THAP5: variants seen among roughly 807,000 people sequenced by gnomAD.
The protein encoded by THAP5 is THAP domain-containing protein 5.
A neutral mutation model predicts 34.0 loss-of-function variants in THAP5; 26 were observed. The observed-to-expected ratio is 0.77, with a 90% CI of 0.56 to 1.06. The LOEUF is 1.06. Ranked by LOEUF, THAP5 falls within the 50% of genes least tolerant of loss-of-function variation. The probability of loss-of-function intolerance (pLI) is 0.00; values close to 1 mark genes in which losing one functional copy is unlikely to be tolerated. For missense variants in THAP5, 394 were observed against 452.8 expected, an observed-to-expected ratio of 0.87 and a Z score of 1.18; for synonymous variants, 125 against 153.0, an observed-to-expected ratio of 0.82 and a Z score of 1.35.
chr7:108,555,187 C>G (rs1864377685), intron 1 of THAP5, among the ~76,000 whole-genome samples: 1 of 149,302 alleles, frequency 6.7e-6, no homozygotes, highest in African/African-American at 2.5e-5. Flanking sequence ...TTTTTTGAGA[C>G]AGAGTTTTGC....
At chr7:108,546,171 A>G in the THAP5 span, among the ~76,000 whole-genome samples, 1 of 152,180 alleles carries the variant, frequency 6.6e-6, no homozygotes, top group African/African-American at 2.4e-5. Flanking sequence ...TTTATCAACC[A>G]TCTGTCAATC....
chr7:108,569,192 G>C (rs533379908), intron 1 of THAP5: 1 of 1,295,588 alleles, frequency 7.7e-7, no homozygotes, highest in East Asian at 3.2e-5. Flanking sequence ...AATGAAATGA[G>C]ATCACGTGAA....
In THAP5 at chr7:108,555,801, C is replaced by G. The variant is rs933425940; in HGVS notation, n.109-942G>C. 6.0e-5 allele frequency among the ~76,000 whole-genome samples: 9 copies of G among 150,468 alleles called. No individual in the cohort carries two copies. In the East Asian group the frequency reaches 1.6e-3, roughly 27 times the overall value. ...CACTGCAACCTCCACCTCCCAGGTT[C>G]AAGCAATTCTTCTGCCTCAGGCTCC... is the stretch of plus-strand genomic sequence containing the variant. On this transcript the variant is annotated intron_variant and non_coding_transcript_variant, in intron 1 of 1. Transcript: ENST00000468884.
Position 108,562,253 on chromosome 7 carries a change from TTG to T in THAP5, c.*1936_*1937del, listed in dbSNP as rs1223083252. ...TGAAACTTAACATATCATTACTTTA[TTG>T]TGACTCAAGATTATTTTCATCTGTA... On this transcript the variant is annotated 3_prime_UTR_variant, in exon 3 of 3. Transcript: ENST00000415914. 6.6e-6 allele frequency: 1 copy of T among 150,948 alleles called. No individual in the cohort carries two copies. The highest frequency in any genetic ancestry group is 1.5e-5 in the Non-Finnish European group (1 of 67,662). The allele number at this position is 150,948 out of a possible 1,614,324, so 9.4% of individuals were successfully genotyped here.
Position 108,569,473 on chromosome 7 carries a change from C to T in THAP5, c.80+17G>A, listed in dbSNP as rs1790563468. Reference sequence around the variant, plus strand: ...CCTCACGGCGAGGCTGACGCTTCTGCTCCAGAAACAACTTACGGATAAAAA... The same window carrying T: ...CCTCACGGCGAGGCTGACGCTTCTGTTCCAGAAACAACTTACGGATAAAAA... On this transcript the variant is annotated intron_variant, in intron 1 of 2. Coordinates refer to ENST00000415914, the MANE Select transcript of THAP5 (RefSeq NM_001130475.3). 6.4e-7 allele frequency: 1 copy of T among 1,551,628 alleles called. No individual in the cohort carries two copies. Among genetic ancestry groups the T allele is most frequent in the South Asian group, 1.2e-5 (1 of 84,064 alleles).
At chr7:108,556,733 A>G (rs1030489920) in intron 1 of THAP5, among the ~76,000 whole-genome samples, 1 of 152,148 alleles carries the variant, frequency 6.6e-6, no homozygotes, top group African/African-American at 2.4e-5. Context: ...CTGTCAGTGT[A>G]TCTACCATTC....
At chr7:108,558,544 C>T (rs533070708), downstream of THAP5, among the ~76,000 whole-genome samples, 28 of 150,882 alleles carry the variant, frequency 1.9e-4, no homozygotes, top group East Asian at 4.3e-3. Context: ...ATTACAGGCA[C>T]GCGCCACCAC....
rs757395217 is a variant in THAP5 at position 108,564,471 on chromosome 7, A to G, written c.908T>C (p.Ile303Thr). ...KETTEMEDTD[I>T]EDSLYKDVDY... ...TACATCCTTATACAAGGAGTCTTCAATGTCTGTGTCTTCCATTTCCGTGGT... is the reference window on the plus strand; with the variant it reads ...TACATCCTTATACAAGGAGTCTTCAGTGTCTGTGTCTTCCATTTCCGTGGT... Residue 303 changes from isoleucine to threonine, a missense_variant, in exon 3 of 3, where the codon ATT becomes ACT. Transcript: ENST00000415914. 5.0e-6 allele frequency: 8 copies of G among 1,613,954 alleles called. No homozygotes were observed. Among genetic ancestry groups the G allele is most frequent in the South Asian group, 1.1e-5 (1 of 91,080 alleles).
chr7:108,554,058 G>A (rs1564007602), downstream of THAP5, among the ~76,000 whole-genome samples: 1 of 152,062 alleles, frequency 6.6e-6, no homozygotes, highest in Non-Finnish European at 1.5e-5. Context: ...GGTGAGTTTG[G>A]CCCCCTAACT....
chr7:108,564,368 T>C lies in THAP5; in HGVS notation c.1011A>G (p.Lys337=), dbSNP rs980004020. The change falls in exon 3 of 3, where the codon AAA becomes AAG. Residue 337 remains lysine (K), a synonymous_variant. Coordinates refer to ENST00000415914, the MANE Select transcript of THAP5 (RefSeq NM_001130475.3). ...TTATCTTTGAATGTAGCTTAGAGAC[T>C]TTCTGCCAAAGATGTTCCTTATTTA... ...QDINKEHLWQ[K]VSKLHSKITL... The C allele has an allele frequency of 5.0e-6, 8 of 1,613,768 alleles. No homozygotes were observed. The highest frequency in any genetic ancestry group is 5.1e-6 in the Non-Finnish European group (6 of 1,179,850).
intron 1 of THAP5, 69 bp from the exon 2 acceptor site, chr7:108,566,091 C>G: frequency 7.4e-7 from 1 of 1,344,488 alleles, no homozygotes; most frequent in Admixed American, 2.8e-5. Flanking sequence ...TGCCAAATTC[C>G]CACCCTATAT....
chr7:108,569,131 C>A, intron 1 of THAP5: 3 of 1,088,190 alleles, frequency 2.8e-6, no homozygotes, highest in Non-Finnish European at 3.4e-6. Flanking sequence ...TTTGCGTGCA[C>A]CTTTCCACTT....
At chr7:108,549,600 G>A (rs1023202789), downstream of THAP5, among the ~76,000 whole-genome samples, 1 of 152,166 alleles carries the variant, frequency 6.6e-6, no homozygotes, top group Non-Finnish European at 1.5e-5. Context: ...CATTGTGTAA[G>A]TGGTTATATT....
chr7:108,561,430 ATTTT>A (rs372485775), downstream of THAP5, among the ~76,000 whole-genome samples: 1 of 127,976 alleles, frequency 7.8e-6, no homozygotes, highest in Non-Finnish European at 1.7e-5. Context: ...TGCCTGGCTG[ATTTT>A]TTTTTTTTTT....
Position 108,564,200 on chromosome 7 carries a change from A to G in THAP5, c.1179T>C (p.Thr393=). The G allele has an allele frequency of 6.3e-7, 1 of 1,581,068 alleles. No individual in the cohort carries two copies. The highest frequency in any genetic ancestry group is 8.6e-7 in the Non-Finnish European group (1 of 1,166,294). ...TTAAAACCTAGTTATTCTATATCAT[A>G]GTGACTTCATATGTTGTAAAATGGT... ...IENHFTTYEV[T]MI Residue 393 remains threonine (T), a synonymous_variant, in exon 3 of 3, where the codon ACT becomes ACC. Transcript: ENST00000415914.
chr7:108,558,643 G>C (rs1864405327), downstream of THAP5, among the ~76,000 whole-genome samples: 1 of 151,622 alleles, frequency 6.6e-6, no homozygotes. Context: ...TGATCCGCCA[G>C]CCTCGGCCTC....
intron 1 of THAP5, among the ~76,000 whole-genome samples, chr7:108,568,860 G>C (rs1345607870): frequency 5.9e-5 from 9 of 152,180 alleles, no homozygotes; most frequent in Non-Finnish European, 1.2e-4. Context: ...GACACTGCTT[G>C]TCTGTACTTC....
upstream of THAP5, chr7:108,569,739 A>G: frequency 1.2e-6 from 1 of 853,876 alleles, no homozygotes; most frequent in Non-Finnish European, 1.8e-6. Context: ...CGGTTTAAGC[A>G]CCGCCTTTTC....
the THAP5 span, among the ~76,000 whole-genome samples, chr7:108,546,800 C>T: frequency 9.9e-5 from 15 of 152,138 alleles, no homozygotes; most frequent in African/African-American, 3.1e-4. Flanking sequence ...TTCAGAAATA[C>T]ATTACTGTGA....
Sources: gnomAD v4.1 joint callset for allele counts (sites outside exome capture counted in the v4.1 genomes callset) on GRCh38, gnomAD v4.1.1 for gene constraint, MANE v1.5 for transcripts, NCBI Gene and HGNC (gene_info 2026-07-23, HGNC 2026-07-21) for gene names.